Variants in ITCH observed in about 807,000 individuals in gnomAD.
ITCH encodes E3 ubiquitin-protein ligase Itchy homolog.
Under a neutral mutation model 126.8 loss-of-function variants are expected in ITCH, and 28 were observed. The observed-to-expected ratio is 0.22, with a 90% CI of 0.16 to 0.30. ITCH has a LOEUF of 0.30. Among genes scored for constraint, ITCH ranks in the 10% least tolerant of loss-of-function variants. The pLI, the probability that ITCH is intolerant of heterozygous loss-of-function variation, is 1.00. For synonymous variants in ITCH, 342 were observed against 340.0 expected (o/e 1.01, Z -0.06); for missense variants, 631 against 1,032.4 (o/e 0.61, Z 5.33).
chr20:34,490,487 G>A (rs146661182), intron 22 of ITCH, among the ~76,000 whole-genome samples: 5 of 152,160 alleles, frequency 3.3e-5, no homozygotes, highest in African/African-American at 4.8e-5. Flanking sequence ...TGGCTAACAC[G>A]GTGAAATTAG....
At chr20:34,448,905 C>G (rs973455704) in intron 11 of ITCH, among the ~76,000 whole-genome samples, 1 of 152,134 alleles carries the variant, frequency 6.6e-6, no homozygotes, top group African/African-American at 2.4e-5. Flanking sequence ...TAACACTTTC[C>G]AGCTGGAAAC....
chr20:34,377,493 C>T (rs562995078), intron 2 of ITCH, among the ~76,000 whole-genome samples: 1 of 152,274 alleles, frequency 6.6e-6, no homozygotes, highest in African/African-American at 2.4e-5. Flanking sequence ...ATTGAATTTT[C>T]ATATTTACCA....
chr20:34,506,625 C>G (rs1990635325), intron 24 of ITCH, among the ~76,000 whole-genome samples: 1 of 152,198 alleles, frequency 6.6e-6, no homozygotes. Flanking sequence ...CAGTTTCATC[C>G]TGAAACCATC....
intron 2 of ITCH, among the ~76,000 whole-genome samples, chr20:34,385,877 A>G (rs956080486): frequency 6.6e-6 from 1 of 152,218 alleles, no homozygotes; most frequent in Non-Finnish European, 1.5e-5. Flanking sequence ...AGAATGGTTC[A>G]TATTCTACCT....
intron 24 of ITCH, among the ~76,000 whole-genome samples, chr20:34,507,289 T>TTTTTG (rs1990694973): frequency 1.5e-5 from 1 of 68,328 alleles, no homozygotes; most frequent in East Asian, 3.8e-4. Context: ...TTTTTTTTTT[T>TTTTTG]GGTTGTTGTT....
In ITCH at chr20:34,469,691, A is replaced by T. The variant is rs554115951; in HGVS notation, c.1425-357A>T. On this transcript the variant is annotated intron_variant, in intron 14 of 24. Coordinates refer to ENST00000374864, the MANE Select transcript of ITCH (RefSeq NM_031483.7). ...TAGTCTTTATTATATGTAGCATTCTACTTAGTTAAATAGCAAGGGTTTTAC... is the reference window on the plus strand; with the variant it reads ...TAGTCTTTATTATATGTAGCATTCTTCTTAGTTAAATAGCAAGGGTTTTAC... Among the ~76,000 whole-genome samples the T allele has an allele frequency of 4.6e-5, 7 of 152,302 alleles. No homozygotes were observed. In the South Asian group the frequency reaches 1.5e-3, roughly 32 times the overall value.
intron 15 of ITCH, 78 bp downstream of exon 15, chr20:34,470,198 C>T: frequency 8.8e-7 from 1 of 1,132,816 alleles, no homozygotes. Flanking sequence ...TGTGAAAATA[C>T]TTAACTCACA....
At chr20:34,480,814 G>A (rs752367089) in intron 19 of ITCH, 82 bp downstream of exon 19, 5 of 1,149,432 alleles carry the variant, frequency 4.3e-6, no homozygotes, top group Non-Finnish European at 6.3e-6. Flanking sequence ...CAAACTGTAG[G>A]CACATAATTG....
intron 1 of ITCH, among the ~76,000 whole-genome samples, chr20:34,364,326 A>G (rs1476391304): frequency 6.6e-6 from 1 of 151,992 alleles, no homozygotes; most frequent in Non-Finnish European, 1.5e-5. Context: ...CTTGGTTTGG[A>G]GTGGGGGATG....
intron 7 of ITCH, among the ~76,000 whole-genome samples, chr20:34,429,567 C>T (rs1343726948): frequency 6.6e-6 from 1 of 152,078 alleles, no homozygotes; most frequent in African/African-American, 2.4e-5. Context: ...GTTAGACACA[C>T]ACGTTTTTGC....
At chr20:34,473,975 A>G (rs1987883802) in intron 16 of ITCH, among the ~76,000 whole-genome samples, 1 of 152,244 alleles carries the variant, frequency 6.6e-6, no homozygotes, top group Non-Finnish European at 1.5e-5. Flanking sequence ...CTTCACCTAC[A>G]TCAAACAGGA....
Position 34,489,872 on chromosome 20 carries a change from T to A in ITCH, c.2265T>A (p.His755Gln). The A allele has an allele frequency of 1.9e-6, 3 of 1,614,062 alleles. No homozygotes were observed. The highest frequency in any genetic ancestry group is 2.5e-6 in the Non-Finnish European group (3 of 1,179,976). ...QEIDLNDWQR[H>Q]AIYRHYARTS... The stretch of plus-strand genomic sequence containing the variant: ...TTGATTTGAATGACTGGCAAAGACA[T>A]GCCATCTACCGTCATTATGCAAGGA... The change falls in exon 22 of 25, where the codon CAT (histidine) becomes CAA (glutamine). Residue 755 changes from histidine (H) to glutamine (Q), a missense_variant. His to Gln is a conservative substitution (Grantham distance 24). This residue lies in a region of ITCH where 390 missense variants were observed against 731.6 expected (regional missense o/e 0.53). Transcript: ENST00000374864.
At chr20:34,443,856 T>G (rs1984089433) in intron 10 of ITCH, among the ~76,000 whole-genome samples, 2 of 152,078 alleles carry the variant, frequency 1.3e-5, no homozygotes. Flanking sequence ...CATGGTGGCA[T>G]GTACCTGTAG....
At chr20:34,461,801 T>C (rs1986542968) in intron 13 of ITCH, among the ~76,000 whole-genome samples, 1 of 151,864 alleles carries the variant, frequency 6.6e-6, no homozygotes, top group South Asian at 2.1e-4. Flanking sequence ...ACGTGAAGAT[T>C]TCTAAGGCAG....
intron 2 of ITCH, among the ~76,000 whole-genome samples, chr20:34,383,166 T>C (rs2038134176): frequency 6.6e-6 from 1 of 152,056 alleles, no homozygotes; most frequent in African/African-American, 2.4e-5. Flanking sequence ...GTCAGTCTCC[T>C]GAGTAGCTGG....
chr20:34,461,875 C>G (rs1245727740), intron 13 of ITCH, among the ~76,000 whole-genome samples: 2 of 152,048 alleles, frequency 1.3e-5, no homozygotes, highest in East Asian at 1.9e-4. Flanking sequence ...GAACATAAGC[C>G]AAGTAGACGG....
intron 9 of ITCH, 30 bp from the exon 10 acceptor site, chr20:34,442,177 AT>A (rs1213176658): frequency 1.9e-6 from 3 of 1,545,204 alleles, no homozygotes; most frequent in Non-Finnish European, 2.7e-6. Flanking sequence ...TCATGCAAGT[AT>A]TTTACCAGCC....
At chr20:34,476,307 C>T in intron 16 of ITCH, 3 of 1,007,488 alleles carry the variant, frequency 3.0e-6, no homozygotes, top group Non-Finnish European at 3.1e-6. Flanking sequence ...GCGCCCCTGC[C>T]GACACGCTCA....
At chr20:34,441,897 C>G (rs1265913871) in intron 9 of ITCH, 4 of 349,782 alleles carry the variant, frequency 1.1e-5, no homozygotes, top group Non-Finnish European at 2.2e-5. Context: ...TTTCTTTCCA[C>G]TCAAATCCTG....
Sources: gnomAD v4.1 joint callset for allele counts (sites outside exome capture counted in the v4.1 genomes callset) on GRCh38, gnomAD v4.1.1 for gene constraint, gnomAD v4.1.1 regional missense constraint, MANE v1.5 for transcripts, NCBI Gene and HGNC (gene_info 2026-07-23, HGNC 2026-07-21) for gene names.